RGL1: variants seen among roughly 807,000 people sequenced by gnomAD.
RGL1 encodes ral guanine nucleotide dissociation stimulator like 1.
Under a neutral mutation model 95.2 loss-of-function variants are expected in RGL1, and 24 were observed. The ratio of observed to expected loss-of-function variants is 0.25; its 90% CI spans 0.18 to 0.35. RGL1 has a LOEUF of 0.35. Among genes scored for constraint, RGL1 ranks in the 10% least tolerant of loss-of-function variants. RGL1 has a pLI of 1.00. For synonymous variants in RGL1, 329 were observed against 344.9 expected (o/e 0.95, Z 0.51); for missense variants, 715 against 936.3 (o/e 0.76, Z 3.08).
intron 9 of RGL1, among the ~76,000 whole-genome samples, chr1:183,896,227 T>C (rs908518161): frequency 6.6e-6 from 1 of 152,280 alleles, no homozygotes; most frequent in East Asian, 1.9e-4. Flanking sequence ...GCTGCTTTCT[T>C]TTTTTTAGAG....
At chr1:183,706,547 G>A (rs866212021) in intron 1 of RGL1, among the ~76,000 whole-genome samples, 1 of 152,160 alleles carries the variant, frequency 6.6e-6, no homozygotes, top group Non-Finnish European at 1.5e-5. Context: ...TCCTTGTGGG[G>A]GCTGCTCACA....
chr1:183,673,194 G>T (rs926604165), intron 1 of RGL1, among the ~76,000 whole-genome samples: 18 of 152,184 alleles, frequency 1.2e-4, no homozygotes, highest in African/African-American at 4.3e-4. Flanking sequence ...TCAAGATTGA[G>T]AACCATTGCT....
intron 14 of RGL1, among the ~76,000 whole-genome samples, chr1:183,911,326 A>G (rs533364129): frequency 1.9e-4 from 29 of 152,270 alleles, no homozygotes; most frequent in African/African-American, 6.7e-4. Flanking sequence ...TAGTAGAAAG[A>G]TATTTTTCTG....
chr1:183,673,377 TAGAC>T (rs1652603104), intron 1 of RGL1, among the ~76,000 whole-genome samples: 3 of 152,212 alleles, frequency 2.0e-5, no homozygotes, highest in African/African-American at 4.8e-5. Flanking sequence ...TAGGCTGAGA[TAGAC>T]AGATTCCTTG....
At chr1:183,875,062 C>T (rs924493375) in intron 4 of RGL1, among the ~76,000 whole-genome samples, 2 of 152,086 alleles carry the variant, frequency 1.3e-5, no homozygotes, top group Non-Finnish European at 2.9e-5. Flanking sequence ...TTATCTGCAG[C>T]GAAGACAAGA....
intron 2 of RGL1, among the ~76,000 whole-genome samples, chr1:183,813,462 G>A (rs756116616): frequency 6.6e-6 from 1 of 152,228 alleles, no homozygotes; most frequent in Non-Finnish European, 1.5e-5. Flanking sequence ...AGCCCTGCTT[G>A]ACTTCTCAGA....
At chr1:183,818,784 T>G (rs1044470529) in intron 2 of RGL1, among the ~76,000 whole-genome samples, 1 of 152,218 alleles carries the variant, frequency 6.6e-6, no homozygotes, top group African/African-American at 2.4e-5. Flanking sequence ...TTTTTTGGTA[T>G]TTGGTAATAT....
chr1:183,827,887 T>TTATG (rs1207749333), intron 2 of RGL1, among the ~76,000 whole-genome samples: 1 of 152,112 alleles, frequency 6.6e-6, no homozygotes, highest in Non-Finnish European at 1.5e-5. Context: ...CAGTATGGAG[T>TTATG]TATGTAATAG....
chr1:183,641,203 T>G (rs1649899836), intron 1 of RGL1, among the ~76,000 whole-genome samples: 1 of 152,160 alleles, frequency 6.6e-6, no homozygotes. Context: ...GGTATGATCT[T>G]GGCTTACTGC....
At chr1:183,914,571 G>T (rs532851959) in intron 15 of RGL1, among the ~76,000 whole-genome samples, 1 of 152,272 alleles carries the variant, frequency 6.6e-6, no homozygotes, top group South Asian at 2.1e-4. Context: ...CCTCCAGACT[G>T]TCATTCTTCC....
Position 183,702,789 on chromosome 1 carries a change from C to T in RGL1, c.-32-39337C>T, listed in dbSNP as rs187665265. Reference sequence around the variant, plus strand: ...TGTCAGAATTGTAAGGCTCTTGTATCGGTTTGAACCCTGAAAGCGCACCAA... The same window carrying T: ...TGTCAGAATTGTAAGGCTCTTGTATTGGTTTGAACCCTGAAAGCGCACCAA... On this transcript the variant is annotated intron_variant, in intron 1 of 18. Coordinates refer to the RGL1 transcript ENST00000304685. Among the ~76,000 whole-genome samples, 21 of 152,298 alleles carry T rather than the reference C, an allele frequency of 1.4e-4. No individual in the cohort carries two copies. In the East Asian group the frequency reaches 2.3e-3, roughly 17 times the overall value.
intron 3 of RGL1, among the ~76,000 whole-genome samples, chr1:183,854,376 G>A (rs934140199): frequency 3.3e-5 from 5 of 152,138 alleles, no homozygotes; most frequent in Admixed American, 6.5e-5. Context: ...GAGAGAGCAC[G>A]GGTGGATTTA....
At chr1:183,684,464 G>T (rs1051350052) in intron 1 of RGL1, among the ~76,000 whole-genome samples, 1 of 152,142 alleles carries the variant, frequency 6.6e-6, no homozygotes, top group African/African-American at 2.4e-5. Flanking sequence ...GTCCCAGGTC[G>T]ACTCCAGACT....
intron 2 of RGL1, among the ~76,000 whole-genome samples, chr1:183,784,032 C>T (rs773809781): frequency 9.2e-5 from 14 of 152,050 alleles, no homozygotes; most frequent in Non-Finnish European, 1.8e-4. Context: ...TGGTGGGGCT[C>T]TAATCTGCAG....
chr1:183,682,692 C>T (rs1477741817), intron 1 of RGL1, among the ~76,000 whole-genome samples: 1 of 152,044 alleles, frequency 6.6e-6, no homozygotes, highest in African/African-American at 2.4e-5. Flanking sequence ...TGTGCTTGGT[C>T]CAGAGCTGAG....
chr1:183,815,119 C>T (rs1405442445), intron 2 of RGL1, among the ~76,000 whole-genome samples: 1 of 152,036 alleles, frequency 6.6e-6, no homozygotes, highest in Non-Finnish European at 1.5e-5. Context: ...ACTAAACATA[C>T]AAAAGTTAGC....
In RGL1 at chr1:183,725,371, T is replaced by G. The variant is rs181945194; in HGVS notation, c.-32-16755T>G. 1.2e-4 allele frequency among the ~76,000 whole-genome samples: 18 copies of G among 152,266 alleles called. 1 individual carries two copies. The highest frequency in any genetic ancestry group is 9.8e-4 in the Admixed American group (15 of 15,294). On this transcript the variant is annotated intron_variant, in intron 1 of 18. Coordinates refer to the RGL1 transcript ENST00000304685. ...ATGTCTTGGGAGGCCTCAGGAAACT[T>G]ACAATCATGGCAGAAGGGGAGGCAA...
chr1:183,851,391 A>G (rs999490132), intron 3 of RGL1, among the ~76,000 whole-genome samples: 1 of 152,190 alleles, frequency 6.6e-6, no homozygotes, highest in Non-Finnish European at 1.5e-5. Context: ...CTATGAAGCC[A>G]CTGGTACTTA....
intron 9 of RGL1, among the ~76,000 whole-genome samples, chr1:183,896,558 A>G (rs2102684826): frequency 6.6e-6 from 1 of 152,326 alleles, no homozygotes; most frequent in South Asian, 2.1e-4. Context: ...CAAGCCACTG[A>G]AAAAAACCCT....
Sources: allele counts gnomAD v4.1 joint callset (sites outside exome capture counted in the v4.1 genomes callset), GRCh38; gene constraint gnomAD v4.1.1; transcripts MANE v1.5; gene names NCBI Gene and HGNC (gene_info 2026-07-23, HGNC 2026-07-21).